AAK1: variants seen among roughly 807,000 people sequenced by gnomAD.
AAK1 encodes the protein AP2-associated protein kinase 1.
Under a neutral mutation model 116.0 loss-of-function variants are expected in AAK1, and 37 were observed. The ratio of observed to expected loss-of-function variants is 0.32; its 90% CI spans 0.25 to 0.42. The LOEUF is 0.42. Among genes scored for constraint, AAK1 ranks in the 10% least tolerant of loss-of-function variants. The pLI is 1.00. For missense variants in AAK1, 919 were observed against 1,170.6 expected (o/e 0.79, Z 3.14); for synonymous variants, 458 against 439.9 (o/e 1.04, Z -0.51).
intron 2 of AAK1, among the ~76,000 whole-genome samples, chr2:69,605,442 A>G (rs1363234710): frequency 6.6e-6 from 1 of 152,044 alleles, no homozygotes; most frequent in Non-Finnish European, 1.5e-5. Context: ...CTAACTTTTT[A>G]TTTTGAATTA....
intron 17 of AAK1, among the ~76,000 whole-genome samples, chr2:69,492,658 A>C (rs1291181894): frequency 6.7e-6 from 1 of 149,426 alleles, no homozygotes; most frequent in Non-Finnish European, 1.5e-5. Context: ...GAGTACCTGC[A>C]AGTACAGGCG....
intron 3 of AAK1, among the ~76,000 whole-genome samples, chr2:69,553,463 G>A (rs1391548523): frequency 4.9e-5 from 1 of 20,396 alleles, no homozygotes; most frequent in African/African-American, 3.6e-4. Context: ...TTTTTTTTTT[G>A]AGACGGAGTC....
At chr2:69,574,377 CAAAAAAAAAAAAA>C (rs58486434) in intron 2 of AAK1, among the ~76,000 whole-genome samples, 31 of 74,896 alleles carry the variant, frequency 4.1e-4, no homozygotes, top group Non-Finnish European at 7.0e-4. Flanking sequence ...GACTCCCTCT[CAAAAAAAAAAAAA>C]AAAAAAAAAG....
chr2:69,564,401 T>A (rs1671778278), intron 2 of AAK1, among the ~76,000 whole-genome samples: 2 of 151,704 alleles, frequency 1.3e-5, no homozygotes, highest in Non-Finnish European at 2.9e-5. Flanking sequence ...AGCTGTGTAA[T>A]TTTGGAGAAA....
intron 17 of AAK1, among the ~76,000 whole-genome samples, chr2:69,485,949 G>A (rs1413439383): frequency 1.3e-5 from 2 of 151,254 alleles, no homozygotes. Flanking sequence ...GTGAGTCACT[G>A]AGCCTGGCCT....
At chr2:69,616,641 T>C (rs1223429219) in intron 2 of AAK1, among the ~76,000 whole-genome samples, 4 of 152,128 alleles carry the variant, frequency 2.6e-5, no homozygotes, top group African/African-American at 7.2e-5. Context: ...CTCCATTCGT[T>C]TGATGCCTGT....
chr2:69,555,238 A>G (rs1365191475), intron 3 of AAK1, among the ~76,000 whole-genome samples: 1 of 152,200 alleles, frequency 6.6e-6, no homozygotes, highest in Non-Finnish European at 1.5e-5. Flanking sequence ...TGTGCAGGGG[A>G]GTGGAAGGCA....
chr2:69,531,170 T>G (rs546914122), intron 6 of AAK1, among the ~76,000 whole-genome samples: 1 of 152,334 alleles, frequency 6.6e-6, no homozygotes, highest in South Asian at 2.1e-4. Context: ...GAGCCCTTCC[T>G]CTTTGCTCCT....
chr2:69,487,483 A>AT (rs1675341602), intron 17 of AAK1, among the ~76,000 whole-genome samples: 1 of 152,214 alleles, frequency 6.6e-6, no homozygotes, highest in Admixed American at 6.5e-5. Context: ...TCACATCAGC[A>AT]TATCGTGACT....
intron 3 of AAK1, among the ~76,000 whole-genome samples, chr2:69,548,907 A>G (rs1671051706): frequency 6.6e-6 from 1 of 151,832 alleles, no homozygotes; most frequent in African/African-American, 2.4e-5. Flanking sequence ...CCGGCCAACA[A>G]GCTGTTTTGT....
chr2:69,604,378 G>A (rs1382340541), intron 2 of AAK1, among the ~76,000 whole-genome samples: 1 of 152,156 alleles, frequency 6.6e-6, no homozygotes, highest in Non-Finnish European at 1.5e-5. Context: ...GGGCAGCTCT[G>A]CAGAGGCTGA....
intron 2 of AAK1, among the ~76,000 whole-genome samples, chr2:69,615,066 T>C (rs1674261781): frequency 6.6e-6 from 1 of 152,140 alleles, no homozygotes; most frequent in Non-Finnish European, 1.5e-5. Context: ...AAGAAATTAA[T>C]ATGACCCCAA....
At chr2:69,612,049 G>A (rs927897722) in intron 2 of AAK1, among the ~76,000 whole-genome samples, 1 of 152,158 alleles carries the variant, frequency 6.6e-6, no homozygotes, top group African/African-American at 2.4e-5. Flanking sequence ...CAGTTGGGAC[G>A]ATGAAAAAGT....
Position 69,525,015 on chromosome 2 carries a change from C to T in AAK1, c.1055+18G>A. On this transcript the variant is annotated intron_variant, in intron 10 of 21. Transcript: ENST00000409085. ...TGGCAATCCAAGGAGGACATGTGTTCATGAAGGCATTTCTTACCTGGCCTT... is the reference window on the plus strand; with the variant it reads ...TGGCAATCCAAGGAGGACATGTGTTTATGAAGGCATTTCTTACCTGGCCTT... The T allele has an allele frequency of 1.2e-6, 2 of 1,611,364 alleles. No homozygotes were observed. Among genetic ancestry groups the T allele is most frequent in the South Asian group, 2.2e-5 (2 of 90,976 alleles).
In AAK1 at chr2:69,467,370, G is replaced by T. The variant is rs533850013; in HGVS notation, c.*8499C>A. ...GGTAGAGGTGCCTCAGGGTGCTCTG[G>T]CTTTTAAAATCAAATAGACAATTAT... is the stretch of plus-strand genomic sequence containing the variant. On this transcript the variant is annotated 3_prime_UTR_variant, in exon 22 of 22. Coordinates refer to ENST00000409085, the MANE Select transcript of AAK1 (RefSeq NM_014911.5). 2 of 985,250 alleles carry T rather than the reference G, an allele frequency of 2.0e-6. No homozygotes were observed. The highest frequency in any genetic ancestry group is 3.5e-5 in the African/African-American group (2 of 57,206). The allele number at this position is 985,250 out of a possible 1,614,324, so 61.0% of individuals were successfully genotyped here.
intron 2 of AAK1, among the ~76,000 whole-genome samples, chr2:69,585,340 G>A (rs1259068507): frequency 6.6e-6 from 1 of 152,126 alleles, no homozygotes; most frequent in Non-Finnish European, 1.5e-5. Flanking sequence ...GGGACTACAG[G>A]TGTGAGCCAC....
In AAK1 at chr2:69,468,136, T is replaced by C; in HGVS notation, c.*7733A>G. ...GATTTTGAAAAGAATAAATTTTTCC[T>C]TGTATTATAATTTTAGTATGTGCAG... On this transcript the variant is annotated 3_prime_UTR_variant, in exon 22 of 22. Transcript: ENST00000409085. 1.0e-6 allele frequency: 1 copy of C among 985,222 alleles called. No homozygotes were observed. Among genetic ancestry groups the C allele is most frequent in the Non-Finnish European group, 1.2e-6 (1 of 829,736 alleles). The allele number at this position is 985,222 out of a possible 1,614,324, so 61.0% of individuals were successfully genotyped here. A position where few individuals can be genotyped will look rare whatever the true frequency, so the allele number is the denominator to read the frequency against.
chr2:69,466,373 G>A lies in AAK1; in HGVS notation c.*9496C>T. The A allele has an allele frequency of 7.8e-7, 1 of 1,289,864 alleles. No individual in the cohort carries two copies. Among genetic ancestry groups the A allele is most frequent in the Non-Finnish European group, 1.0e-6 (1 of 988,888 alleles). The allele number at this position is 1,289,864 out of a possible 1,614,324, so 79.9% of individuals were successfully genotyped here. On this transcript the variant is annotated 3_prime_UTR_variant, in exon 22 of 22. Transcript: ENST00000409085. The stretch of plus-strand genomic sequence containing the variant: ...CAGTCCCTTCCTCTTCGCTGCTGTG[G>A]AATGAGCTGTTGCTTGAAGGGCCAT...
rs187483103 is a variant in AAK1 at position 69,575,362 on chromosome 2, T to G, written c.164-18384A>C. ...GAGGCACTTGCTAGGGGCACAAAAT[T>G]TAGAAAGGTGCCAAAAAATCTCAGT... On this transcript the variant is annotated intron_variant, in intron 2 of 21. Transcript: ENST00000409085. Among the ~76,000 whole-genome samples, 282 of 152,102 alleles carry G rather than the reference T, an allele frequency of 1.9e-3. 1 individual carries two copies. Among genetic ancestry groups the G allele is most frequent in the African/African-American group, 6.6e-3 (273 of 41,488 alleles).
Sources: gnomAD v4.1 joint callset for allele counts (sites outside exome capture counted in the v4.1 genomes callset) on GRCh38, gnomAD v4.1.1 for gene constraint, MANE v1.5 for transcripts, NCBI Gene and HGNC (gene_info 2026-07-23, HGNC 2026-07-21) for gene names.